TCEA3: variants seen among roughly 807,000 people sequenced by gnomAD.
TCEA3 encodes the protein transcription elongation factor A3.
A neutral mutation model predicts 44.0 loss-of-function variants in TCEA3; 36 were observed. The ratio of observed to expected loss-of-function variants is 0.82; its 90% confidence interval spans 0.63 to 1.08. The LOEUF is 1.08. Ranked by LOEUF, TCEA3 falls within the 50% of genes least tolerant of loss-of-function variation. The pLI is 0.00. For missense variants in TCEA3, 392 were observed against 441.2 expected (o/e 0.89, Z 1.00); for synonymous variants, 162 against 159.7 (o/e 1.01, Z -0.11).
At chr1:23,401,974 T>C (rs1305806776) in intron 5 of TCEA3, among the ~76,000 whole-genome samples, 2 of 152,202 alleles carry the variant, frequency 1.3e-5, no homozygotes, top group African/African-American at 4.8e-5. Context: ...AACCGTCTTC[T>C]ATGAAACCAG....
chr1:23,410,042 G>C (rs927881766), intron 4 of TCEA3, among the ~76,000 whole-genome samples: 2 of 152,000 alleles, frequency 1.3e-5, no homozygotes, highest in African/African-American at 4.8e-5. Context: ...GCCTCTGTCT[G>C]AGGGAGTTCT....
At chr1:23,418,188 T>G (rs1276869409) in intron 2 of TCEA3, 179 bp from the exon 3 acceptor site, 2 of 612,436 alleles carry the variant, frequency 3.3e-6, no homozygotes, top group Admixed American at 5.8e-5. Context: ...GGCCCTGCTC[T>G]GCACGAGGCC....
Position 23,393,763 on chromosome 1 carries a change from G to A in TCEA3, c.819+116C>T, listed in dbSNP as rs766677608. On this transcript the variant is annotated intron_variant, in intron 8 of 10. Transcript: ENST00000450454. Reference sequence around the variant, plus strand: ...CCAGGGGGGAGGCTGAGATGAGGCTGGTTTGAAAAGCTCCCTGGCTCACTG... The same window carrying A: ...CCAGGGGGGAGGCTGAGATGAGGCTAGTTTGAAAAGCTCCCTGGCTCACTG... 3 of 1,372,472 alleles carry A rather than the reference G, an allele frequency of 2.2e-6. No homozygotes were observed. The African/African-American group carries it at 4.3e-5, about 20-fold the overall frequency. 85.0% of individuals were successfully genotyped at this position (1,372,472 alleles called of 1,614,324 possible).
intron 8 of TCEA3, among the ~76,000 whole-genome samples, chr1:23,393,421 C>T (rs1169322370): frequency 6.6e-6 from 1 of 151,952 alleles, no homozygotes; most frequent in African/African-American, 2.4e-5. Flanking sequence ...CACACACACA[C>T]CCCACATATA....
intron 4 of TCEA3, among the ~76,000 whole-genome samples, chr1:23,409,448 A>G (rs1372935914): frequency 1.3e-5 from 2 of 152,180 alleles, no homozygotes; most frequent in African/African-American, 4.8e-5. Flanking sequence ...GTTTTAAAAA[A>G]TCAATCTGTT....
chr1:23,383,124 A>C (rs1434391680), intron 10 of TCEA3, among the ~76,000 whole-genome samples: 1 of 151,744 alleles, frequency 6.6e-6, no homozygotes, highest in Admixed American at 6.6e-5. Flanking sequence ...CTAAAAATAC[A>C]AAAAAATTAG....
At chr1:23,399,136 G>GTGTATA (rs1553167272) in intron 5 of TCEA3, among the ~76,000 whole-genome samples, 8 of 58,658 alleles carry the variant, frequency 1.4e-4, no homozygotes, top group African/African-American at 3.0e-4. Context: ...TTATATATAT[G>GTGTATA]TATATATGTA....
intron 5 of TCEA3, among the ~76,000 whole-genome samples, chr1:23,401,756 C>G (rs1008199693): frequency 4.6e-5 from 7 of 152,142 alleles, no homozygotes; most frequent in African/African-American, 1.7e-4. Flanking sequence ...CCCTCCAACA[C>G]AGGGGTTCCC....
At chr1:23,405,594 CAAA>C (rs66497548) in intron 5 of TCEA3, among the ~76,000 whole-genome samples, 3 of 146,278 alleles carry the variant, frequency 2.1e-5, no homozygotes, top group Non-Finnish European at 3.0e-5. Context: ...GACTTCATCT[CAAA>C]AAAAAAAAAA....
At chr1:23,415,516 G>C (rs1432067488) in intron 4 of TCEA3, among the ~76,000 whole-genome samples, 4 of 152,112 alleles carry the variant, frequency 2.6e-5, no homozygotes, top group Non-Finnish European at 4.4e-5. Context: ...TCCTGCTCCT[G>C]GTCCTTCATT....
chr1:23,390,736 A>G (rs1232022869), intron 8 of TCEA3, among the ~76,000 whole-genome samples: 2 of 152,156 alleles, frequency 1.3e-5, no homozygotes, highest in African/African-American at 4.8e-5. Context: ...GAGAATAAAT[A>G]CAACACTGTA....
In TCEA3 at chr1:23,399,437, A is replaced by G. The variant is rs140825394; in HGVS notation, c.444-1482T>C. Among the ~76,000 whole-genome samples the G allele has an allele frequency of 9.0e-3, 1,360 of 151,924 alleles. 22 individuals are homozygous for G. The highest frequency in any genetic ancestry group is 0.03 in the African/African-American group (1,246 of 41,458). ...CCTATTGGATCAGGGCTCCACCCTT[A>G]TGACCTCATTTAACCTTAATGAAGG... On this transcript the variant is annotated intron_variant, in intron 5 of 10. Coordinates refer to ENST00000450454, the MANE Select transcript of TCEA3 (RefSeq NM_003196.3).
chr1:23,408,529 A>C, intron 5 of TCEA3, 135 bp downstream of exon 5: 1 of 868,082 alleles, frequency 1.2e-6, no homozygotes. Flanking sequence ...TGGGTCTTAG[A>C]ATACGGGGGC....
Position 23,397,892 on chromosome 1 carries a change from C to T in TCEA3, c.507G>A (p.Thr169=), listed in dbSNP as rs771665247. 39 of 1,613,676 alleles carry T rather than the reference C, an allele frequency of 2.4e-5. No homozygotes were observed. The highest frequency in any genetic ancestry group is 5.5e-5 in the South Asian group (5 of 91,056). The part of the protein sequence containing the change: ...PKTPSSPLTP[T]FASSMCLLAP... ...CCAGGAGACACATGGAAGAGGCAAACGTGGGGGTCAAGGGGCTGCTAGGTG... is the reference window on the plus strand; with the variant it reads ...CCAGGAGACACATGGAAGAGGCAAATGTGGGGGTCAAGGGGCTGCTAGGTG... The change falls in exon 6 of 11, where the codon ACG becomes ACA. Residue 169 remains threonine, a synonymous_variant. Coordinates refer to ENST00000450454, the MANE Select transcript of TCEA3 (RefSeq NM_003196.3).
At chr1:23,382,767 T>C (rs2148539588) in intron 10 of TCEA3, among the ~76,000 whole-genome samples, 1 of 152,304 alleles carries the variant, frequency 6.6e-6, no homozygotes, top group African/African-American at 2.4e-5. Context: ...CTTAGTGAGT[T>C]CAGGTCACTG....
At chr1:23,417,523 C>A in intron 3 of TCEA3, 133 bp from the exon 4 acceptor site, 1 of 1,364,160 alleles carries the variant, frequency 7.3e-7, no homozygotes. Flanking sequence ...CACACAAACA[C>A]ATTTACACAC....
chr1:23,383,757 G>A, intron 10 of TCEA3: 1 of 985,696 alleles, frequency 1.0e-6, no homozygotes, highest in Non-Finnish European at 1.2e-6. Flanking sequence ...AGACTTGGCA[G>A]GAAGGAGCAC....
chr1:23,401,538 C>T (rs1479824973), intron 5 of TCEA3, among the ~76,000 whole-genome samples: 1 of 152,050 alleles, frequency 6.6e-6, no homozygotes, highest in Admixed American at 6.5e-5. Flanking sequence ...CTGGACAGGG[C>T]GTGAACTCGC....
intron 4 of TCEA3, among the ~76,000 whole-genome samples, chr1:23,414,776 A>G (rs1003876303): frequency 2.6e-5 from 4 of 152,348 alleles, no homozygotes; most frequent in African/African-American, 9.6e-5. Context: ...AAAATACAAA[A>G]TCGCTAAACT....
Sources: allele counts gnomAD v4.1 joint callset (sites outside exome capture counted in the v4.1 genomes callset), GRCh38; gene constraint gnomAD v4.1.1; transcripts MANE v1.5; gene names NCBI Gene and HGNC (gene_info 2026-07-23, HGNC 2026-07-21).